Variants in KLF12 observed in about 807,000 individuals in gnomAD.
KLF12 encodes KLF transcription factor 12.
In KLF12, 9 loss-of-function variants were observed where a neutral mutation model predicts 37.8. The ratio of observed to expected loss-of-function variants is 0.24; its 90% confidence interval spans 0.14 to 0.42. The LOEUF is 0.42. Among genes scored for constraint, KLF12 ranks in the 10% least tolerant of loss-of-function variants. KLF12 has a pLI of 1.00. For synonymous variants in KLF12, 208 were observed against 202.1 expected (o/e 1.03, Z -0.25); for missense variants, 411 against 516.0 (o/e 0.80, Z 1.97).
intron 1 of KLF12, among the ~76,000 whole-genome samples, chr13:74,078,355 T>C (rs1390694723): frequency 6.6e-6 from 1 of 152,200 alleles, no homozygotes; most frequent in Non-Finnish European, 1.5e-5. Context: ...ACATAACTGT[T>C]ACCCCAAAAG....
At chr13:74,302,030 T>A in the KLF12 span, among the ~76,000 whole-genome samples, 2 of 152,156 alleles carry the variant, frequency 1.3e-5, no homozygotes, top group Non-Finnish European at 2.9e-5. Flanking sequence ...CAGGAAAAGA[T>A]CTATCTGTGA....
At chr13:74,020,193 C>T (rs940245697) in intron 1 of KLF12, among the ~76,000 whole-genome samples, 1 of 152,004 alleles carries the variant, frequency 6.6e-6, no homozygotes, top group Non-Finnish European at 1.5e-5. Context: ...GGGTTTTTTT[C>T]CAATTACACA....
At chr13:73,965,940 A>G (rs1891160662) in intron 2 of KLF12, among the ~76,000 whole-genome samples, 2 of 152,242 alleles carry the variant, frequency 1.3e-5, no homozygotes, top group African/African-American at 2.4e-5. Context: ...GGGGCTGTAA[A>G]CTGCAGGGCA....
At position 73,696,165 on chromosome 13, in the gene KLF12, C is replaced by T. The variant is rs569460670; in HGVS notation, c.1028-494G>A. ...AGAATATACACAAAATTTTACTGAACGATAATGTACTCTACTACCTCCAGA... is the reference window on the plus strand; with the variant it reads ...AGAATATACACAAAATTTTACTGAATGATAATGTACTCTACTACCTCCAGA... On this transcript the variant is annotated intron_variant, in intron 7 of 7. Coordinates refer to ENST00000377669, the MANE Select transcript of KLF12 (RefSeq NM_007249.5). Among the ~76,000 whole-genome samples, 25 of 151,320 alleles carry T rather than the reference C, an allele frequency of 1.7e-4. 2 individuals are homozygous for T. In the South Asian group the frequency reaches 4.6e-3, roughly 28 times the overall value.
At chr13:73,752,412 C>A (rs1213551171) in intron 6 of KLF12, among the ~76,000 whole-genome samples, 1 of 101,866 alleles carries the variant, frequency 9.8e-6, no homozygotes, top group African/African-American at 4.8e-5. Flanking sequence ...AATAGACACA[C>A]CCACACCACA....
chr13:74,121,784 T>C (rs1246223718), intron 1 of KLF12, among the ~76,000 whole-genome samples: 1 of 151,982 alleles, frequency 6.6e-6, no homozygotes, highest in East Asian at 1.9e-4. Context: ...AGTATTAGAA[T>C]ACCTAAGAAA....
intron 1 of KLF12, among the ~76,000 whole-genome samples, chr13:74,106,499 T>C (rs1876659182): frequency 6.6e-6 from 1 of 152,214 alleles, no homozygotes; most frequent in African/African-American, 2.4e-5. Context: ...CTTCAAGGTA[T>C]AAATTTTCTT....
chr13:74,282,906 T>A, the KLF12 span, among the ~76,000 whole-genome samples: 1 of 152,180 alleles, frequency 6.6e-6, no homozygotes, highest in African/African-American at 2.4e-5. Context: ...ATTTTATGAT[T>A]CTAACCTCCT....
intron 4 of KLF12, among the ~76,000 whole-genome samples, chr13:73,841,732 A>G (rs896651322): frequency 3.3e-5 from 5 of 152,144 alleles, no homozygotes; most frequent in Admixed American, 6.5e-5. Context: ...CAAAAACCGC[A>G]ATTACTTTTG....
At chr13:73,907,747 C>T (rs1307827383) in intron 3 of KLF12, among the ~76,000 whole-genome samples, 2 of 152,054 alleles carry the variant, frequency 1.3e-5, no homozygotes, top group African/African-American at 4.8e-5. Flanking sequence ...ACTGGTCTTT[C>T]GACACTTCTG....
intron 5 of KLF12, among the ~76,000 whole-genome samples, chr13:73,773,113 C>T (rs1040228417): frequency 2.6e-5 from 4 of 152,158 alleles, no homozygotes; most frequent in African/African-American, 9.7e-5. Flanking sequence ...ACATACACAT[C>T]TGGGGTTCAG....
At chr13:73,901,608 C>A (rs752178112) in intron 3 of KLF12, among the ~76,000 whole-genome samples, 1 of 151,904 alleles carries the variant, frequency 6.6e-6, no homozygotes, top group African/African-American at 2.4e-5. Context: ...ATGGAGCACA[C>A]AAATCTTCCT....
chr13:73,880,034 T>G (rs1476012546), intron 3 of KLF12, among the ~76,000 whole-genome samples: 1 of 152,200 alleles, frequency 6.6e-6, no homozygotes, highest in Non-Finnish European at 1.5e-5. Context: ...CCGTTCTGCC[T>G]GGAGCATGGT....
chr13:73,860,309 A>C (rs1483766312), intron 3 of KLF12, among the ~76,000 whole-genome samples: 2 of 152,210 alleles, frequency 1.3e-5, no homozygotes, highest in Non-Finnish European at 2.9e-5. Flanking sequence ...GGGCCCACCA[A>C]AGATATCATT....
chr13:73,972,957 G>A (rs1891390416), intron 2 of KLF12, among the ~76,000 whole-genome samples: 1 of 151,988 alleles, frequency 6.6e-6, no homozygotes, highest in Admixed American at 6.5e-5. Context: ...ATTTTAAACT[G>A]AAACACCAAG....
At chr13:74,284,200 T>G in the KLF12 span, among the ~76,000 whole-genome samples, 1 of 152,096 alleles carries the variant, frequency 6.6e-6, no homozygotes, top group African/African-American at 2.4e-5. Context: ...CCTTGAAAAT[T>G]TCCAGGTATA....
chr13:74,097,526 G>T (rs1305545541), intron 1 of KLF12, among the ~76,000 whole-genome samples: 1 of 152,062 alleles, frequency 6.6e-6, no homozygotes, highest in Non-Finnish European at 1.5e-5. Context: ...ACAGTAAATT[G>T]TAGGGTATAC....
At chr13:74,164,461 A>C in the KLF12 span, among the ~76,000 whole-genome samples, 5 of 152,224 alleles carry the variant, frequency 3.3e-5, no homozygotes, top group African/African-American at 1.2e-4. Context: ...AGGTAGAACA[A>C]CTGGTCATGC....
At chr13:74,101,447 A>G (rs1205080371) in intron 1 of KLF12, among the ~76,000 whole-genome samples, 1 of 152,156 alleles carries the variant, frequency 6.6e-6, no homozygotes, top group African/African-American at 2.4e-5. Flanking sequence ...AGACATACAC[A>G]TATTTCCCAG....
Sources: gnomAD v4.1 joint callset for allele counts (sites outside exome capture counted in the v4.1 genomes callset) on GRCh38, gnomAD v4.1.1 for gene constraint, MANE v1.5 for transcripts, NCBI Gene and HGNC (gene_info 2026-07-23, HGNC 2026-07-21) for gene names.